Variants in GRID2 observed in about 807,000 individuals in gnomAD.
GRID2 encodes glutamate receptor ionotropic, delta-2.
Under a neutral mutation model 114.8 loss-of-function variants are expected in GRID2, and 33 were observed. The observed-to-expected ratio is 0.29, with a 90% CI of 0.22 to 0.38. The LOEUF (loss-of-function observed/expected upper bound fraction) is 0.38. GRID2 is among the 10% of genes least tolerant of loss of function. The pLI, the probability that GRID2 is intolerant of heterozygous loss-of-function variation, is 1.00. For missense variants in GRID2, 1,184 were observed against 1,257.7 expected (o/e 0.94, Z 0.89); for synonymous variants, 505 against 449.9 (o/e 1.12, Z -1.55).
chr4:92,364,070 C>A (rs1279296956), intron 1 of GRID2, among the ~76,000 whole-genome samples: 1 of 151,962 alleles, frequency 6.6e-6, no homozygotes, highest in Non-Finnish European at 1.5e-5. Flanking sequence ...ATCCACCCAC[C>A]TCTGCCTCCC....
intron 2 of GRID2, among the ~76,000 whole-genome samples, chr4:92,597,325 TTGTA>T (rs749922096): frequency 1.3e-5 from 2 of 152,148 alleles, no homozygotes; most frequent in African/African-American, 2.4e-5. Context: ...ACTGCTGTAT[TTGTA>T]TGTCTTTCCC....
chr4:92,663,612 C>CT (rs1732625996), intron 2 of GRID2, among the ~76,000 whole-genome samples: 1 of 150,968 alleles, frequency 6.6e-6, no homozygotes, highest in Admixed American at 6.6e-5. Flanking sequence ...TGTGGTTTAC[C>CT]TTTTTTTCCA....
chr4:92,334,117 T>G (rs547839653), intron 1 of GRID2, among the ~76,000 whole-genome samples: 25 of 152,306 alleles, frequency 1.6e-4, no homozygotes, highest in African/African-American at 6.0e-4. Context: ...CATTCTTTGC[T>G]ACTTTATAAC....
intron 8 of GRID2, among the ~76,000 whole-genome samples, chr4:93,385,690 A>G (rs747619813): frequency 6.6e-6 from 1 of 151,264 alleles, no homozygotes; most frequent in Non-Finnish European, 1.5e-5. Flanking sequence ...CAATGTTTAT[A>G]TATTTTACAT....
At chr4:92,366,654 C>T (rs1728882262) in intron 1 of GRID2, among the ~76,000 whole-genome samples, 1 of 151,902 alleles carries the variant, frequency 6.6e-6, no homozygotes, top group African/African-American at 2.4e-5. Context: ...GAAATCAAAT[C>T]ACCACATAGA....
At chr4:92,585,850 C>G (rs1340189139) in intron 1 of GRID2, among the ~76,000 whole-genome samples, 1 of 151,752 alleles carries the variant, frequency 6.6e-6, no homozygotes, top group Non-Finnish European at 1.5e-5. Context: ...ATGATTATTA[C>G]CTTGCTAACT....
chr4:92,465,265 TAGAG>T (rs1487458959), intron 1 of GRID2, among the ~76,000 whole-genome samples: 1 of 141,276 alleles, frequency 7.1e-6, no homozygotes, highest in Non-Finnish European at 1.5e-5. Flanking sequence ...AGGCAAAAAA[TAGAG>T]AGTGAGATTA....
chr4:93,150,796 T>G (rs761108851), intron 4 of GRID2, among the ~76,000 whole-genome samples: 2 of 151,982 alleles, frequency 1.3e-5, no homozygotes, highest in Non-Finnish European at 2.9e-5. Flanking sequence ...GTCTAGGGCA[T>G]GTAGAAACTC....
chr4:93,013,851 G>A (rs1284923202), intron 2 of GRID2, among the ~76,000 whole-genome samples: 1 of 151,548 alleles, frequency 6.6e-6, no homozygotes, highest in African/African-American at 2.4e-5. Flanking sequence ...ATTATTTGAG[G>A]GGCAATTATG....
At chr4:92,819,222 T>A (rs528084600) in intron 2 of GRID2, among the ~76,000 whole-genome samples, 1 of 152,262 alleles carries the variant, frequency 6.6e-6, no homozygotes, top group African/African-American at 2.4e-5. Flanking sequence ...GTGCTGTTTA[T>A]ACATCACAAT....
At chr4:92,731,754 T>G (rs183159468) in intron 2 of GRID2, among the ~76,000 whole-genome samples, 1 of 152,042 alleles carries the variant, frequency 6.6e-6, no homozygotes, top group Admixed American at 6.6e-5. Context: ...GTAAAAAGCA[T>G]GTCAATACCT....
intron 2 of GRID2, among the ~76,000 whole-genome samples, chr4:92,720,890 A>G (rs191204275): frequency 6.6e-6 from 1 of 152,234 alleles, no homozygotes; most frequent in East Asian, 1.9e-4. Context: ...TAGACAAAAC[A>G]TGTAAATAGC....
Position 93,661,444 on chromosome 4 carries a change from C to T in GRID2, c.2360+35009C>T, listed in dbSNP as rs576683765. Among the ~76,000 whole-genome samples, 270 of 152,200 alleles carry T rather than the reference C, an allele frequency of 1.8e-3. 3 individuals are homozygous for T. In the South Asian group the frequency reaches 0.053, roughly 30 times the overall value. ...AACGGTGCTGAAGTGCTGTCTGATA[C>T]TCCTAAGTGCAAGAAGGCTGTGGTG... is the stretch of plus-strand genomic sequence containing the variant. On this transcript the variant is annotated intron_variant, in intron 14 of 15. Coordinates refer to ENST00000282020, the MANE Select transcript of GRID2 (RefSeq NM_001510.4).
At chr4:92,914,146 A>G (rs1450627256) in intron 2 of GRID2, among the ~76,000 whole-genome samples, 2 of 152,118 alleles carry the variant, frequency 1.3e-5, no homozygotes, top group Non-Finnish European at 2.9e-5. Context: ...TTTTCTATCC[A>G]CTTTGCATTA....
At chr4:92,885,436 G>T (rs937677762) in intron 2 of GRID2, among the ~76,000 whole-genome samples, 4 of 152,148 alleles carry the variant, frequency 2.6e-5, no homozygotes, top group Admixed American at 2.6e-4. Flanking sequence ...GATTTTTTGT[G>T]TCTGGATTTG....
intron 7 of GRID2, among the ~76,000 whole-genome samples, chr4:93,227,680 C>A (rs1293690426): frequency 6.6e-6 from 1 of 152,192 alleles, no homozygotes; most frequent in East Asian, 1.9e-4. Context: ...AGGCAGAAGC[C>A]TGAATGCTCT....
intron 2 of GRID2, among the ~76,000 whole-genome samples, chr4:92,854,947 T>G (rs1291662206): frequency 6.6e-6 from 1 of 152,088 alleles, no homozygotes; most frequent in East Asian, 1.9e-4. Context: ...ATATTTTGTG[T>G]TTTCTACATC....
At chr4:92,755,086 G>A (rs113319924) in intron 2 of GRID2, among the ~76,000 whole-genome samples, 1,752 of 152,260 alleles carry the variant, frequency 0.012, 36 homozygotes, top group African/African-American at 0.04. Context: ...CAGTCCATGA[G>A]CTGCAGGCAG....
intron 1 of GRID2, among the ~76,000 whole-genome samples, chr4:92,532,893 C>G (rs1318480339): frequency 6.6e-6 from 1 of 151,934 alleles, no homozygotes; most frequent in Non-Finnish European, 1.5e-5. Context: ...GGCAACATAG[C>G]AAGGCCCTAT....
Sources: allele counts gnomAD v4.1 joint callset (sites outside exome capture counted in the v4.1 genomes callset), GRCh38; gene constraint gnomAD v4.1.1; transcripts MANE v1.5; gene names NCBI Gene and HGNC (gene_info 2026-07-23, HGNC 2026-07-21).